Variants in P4HA2 observed in about 807,000 individuals in gnomAD.
The protein encoded by P4HA2 is prolyl 4-hydroxylase subunit alpha-2.
Under a neutral mutation model 76.9 loss-of-function variants are expected in P4HA2, and 46 were observed. The observed-to-expected ratio is 0.60, with a 90% CI of 0.47 to 0.76. The LOEUF (loss-of-function observed/expected upper bound fraction) is 0.76, where lower values mean the gene tolerates loss of function less well. P4HA2 is among the 30% of genes least tolerant of loss of function. The pLI, the probability that P4HA2 is intolerant of heterozygous loss-of-function variation, is 0.00. For synonymous variants in P4HA2, 243 were observed against 254.0 expected, an observed-to-expected ratio of 0.96 and a Z score of 0.41; for missense variants, 583 against 669.4, an observed-to-expected ratio of 0.87 and a Z score of 1.42.
chr5:132,196,860 C>CAAAAA lies in P4HA2; in HGVS notation c.1366-1385_1366-1381dup, dbSNP rs34410092. Among the ~76,000 whole-genome samples, 82 of 99,966 alleles carry CAAAAA rather than the reference C, an allele frequency of 8.2e-4. 1 individual carries two copies. Among genetic ancestry groups the CAAAAA allele is most frequent in the African/African-American group, 3.1e-3 (77 of 24,918 alleles). 65.6% of individuals were successfully genotyped at this position (99,966 alleles called of 152,430 possible). ...TGGGCAACAGAGGGAGAGTCTGTCT[C>CAAAAA]AAAAAAAAAAAAAAAAAAAGATAAA... On this transcript the variant is annotated intron_variant, in intron 12 of 14. Transcript: ENST00000360568.
intron 1 of P4HA2, chr5:132,227,291 C>G (rs1177706532): frequency 6.6e-6 from 1 of 152,308 alleles, no homozygotes; most frequent in Non-Finnish European, 1.5e-5. Context: ...ATCCAATGGC[C>G]CATCTAATGG....
At chr5:132,205,191 C>T (rs156025) in intron 8 of P4HA2, among the ~76,000 whole-genome samples, 30,153 of 152,152 alleles carry the variant, frequency 0.2, 3,698 homozygotes, top group South Asian at 0.41. Flanking sequence ...TGTGGAAGCT[C>T]AGGGTATAGT....
intron 5 of P4HA2, among the ~76,000 whole-genome samples, chr5:132,212,936 G>T (rs150313594): frequency 1.9e-3 from 295 of 152,300 alleles, no homozygotes; most frequent in Non-Finnish European, 3.1e-3. Context: ...GTCTAAAGGG[G>T]GCAGCTGAGG....
intron 7 of P4HA2, 148 bp downstream of exon 7, chr5:132,208,990 A>G (rs1752640312): frequency 1.5e-6 from 1 of 645,416 alleles, no homozygotes; most frequent in Non-Finnish European, 2.7e-6. Context: ...GAATATCCAC[A>G]TGTCAGCCTC....
intron 1 of P4HA2, among the ~76,000 whole-genome samples, chr5:132,220,119 A>C (rs777015813): frequency 2.0e-5 from 3 of 152,242 alleles, no homozygotes; most frequent in Non-Finnish European, 4.4e-5. Context: ...AGCAGAAGAG[A>C]GCAAGTCATC....
At chr5:132,214,571 G>T (rs936297178) in intron 4 of P4HA2, among the ~76,000 whole-genome samples, 2 of 152,124 alleles carry the variant, frequency 1.3e-5, no homozygotes, top group African/African-American at 4.8e-5. Context: ...TAATGAAGCC[G>T]AGCTGGCCAC....
chr5:132,209,279 C>A lies in P4HA2; in HGVS notation c.762G>T (p.Leu254Phe). The A allele has an allele frequency of 6.2e-7, 1 of 1,614,106 alleles. No individual in the cohort carries two copies. The highest frequency in any genetic ancestry group is 8.5e-7 in the Non-Finnish European group (1 of 1,179,980). Residue 254 changes from leucine (L) to phenylalanine (F), a missense_variant, in exon 7 of 15, where the codon TTG (leucine) becomes TTT (phenylalanine). Coordinates refer to ENST00000360568, the MANE Select transcript of P4HA2 (RefSeq NM_001017974.2). ...GGNLRYFEQLLEEEREKTLTN... is the reference protein window; with the variant it reads ...GGNLRYFEQLFEEEREKTLTN... Reference sequence around the variant, plus strand: ...TTAACGTTTTTTCTCTCTCTTCCTCCAATAACTGCTCAAAGTACCGCAGAT... The same window carrying A: ...TTAACGTTTTTTCTCTCTCTTCCTCAAATAACTGCTCAAAGTACCGCAGAT...
chr5:132,197,554 G>A (rs1750808351), intron 12 of P4HA2, among the ~76,000 whole-genome samples: 1 of 143,070 alleles, frequency 7.0e-6, no homozygotes, highest in African/African-American at 2.7e-5. Flanking sequence ...GTTGCAGTGA[G>A]CCGAGATCCC....
Position 132,203,837 on chromosome 5 carries a change from C to T in P4HA2, c.1162G>A (p.Glu388Lys). Reference sequence around the variant, plus strand: ...GCCACAACAGGGTCATCATCTTCCTCTAGCCAGGAGCTGGGCAAAAAGAAA... The same window carrying T: ...GCCACAACAGGGTCATCATCTTCCTTTAGCCAGGAGCTGGGCAAAAAGAAA... Reference protein sequence around the residue: ...SYRVSKSSWLEEDDDPVVARV... With the variant: ...SYRVSKSSWLKEDDDPVVARV... The change falls in exon 10 of 15, where the codon GAG becomes AAG. Residue 388 changes from glutamate (E) to lysine (K), a missense_variant. Transcript: ENST00000360568. 1 of 1,613,240 alleles carries T rather than the reference C, an allele frequency of 6.2e-7. No individual in the cohort carries two copies. The highest frequency in any genetic ancestry group is 1.1e-5 in the South Asian group (1 of 91,056).
intron 10 of P4HA2, chr5:132,201,187 A>C (rs1199911429): frequency 5.9e-5 from 9 of 152,244 alleles, no homozygotes; most frequent in Non-Finnish European, 1.2e-4. Context: ...AAAGGTCAGA[A>C]ATCACTTTTC....
At chr5:132,198,808 C>T in intron 11 of P4HA2, 71 bp downstream of exon 11, 1 of 1,082,164 alleles carries the variant, frequency 9.2e-7, no homozygotes, top group Admixed American at 1.7e-5. Flanking sequence ...CTGAAATGCT[C>T]CTAGAAGCTC....
chr5:132,201,734 G>A (rs1751506148), intron 10 of P4HA2: 1 of 152,224 alleles, frequency 6.6e-6, no homozygotes, highest in Non-Finnish European at 1.5e-5. Flanking sequence ...ACAACACAAT[G>A]AGAGGCCAGA....
Position 132,220,511 on chromosome 5 carries a change from C to T in P4HA2, c.-18-1867G>A, listed in dbSNP as rs570647105. Among the ~76,000 whole-genome samples, 18 of 152,340 alleles carry T rather than the reference C, an allele frequency of 1.2e-4. No homozygotes were observed. The South Asian group carries it at 3.7e-3, about 32-fold the overall frequency. Reference sequence around the variant, plus strand: ...GGAAGTGGGGAACCCAGCATCTCTACCCAGGTGTGTCTCCAGTTGCAGTTG... The same window carrying T: ...GGAAGTGGGGAACCCAGCATCTCTATCCAGGTGTGTCTCCAGTTGCAGTTG... On this transcript the variant is annotated intron_variant, in intron 1 of 14. Transcript: ENST00000360568.
In P4HA2 at chr5:132,194,795, GA is replaced by G. The variant is rs894848905; in HGVS notation, c.1531+130del. On this transcript the variant is annotated intron_variant, in intron 14 of 14. Transcript: ENST00000360568. ...ACATGGCTGGATGGTAATAACAGCA[GA>G]AAAAAACCTAAGAAGGGAGACAGTC... 9 of 714,924 alleles carry G rather than the reference GA, an allele frequency of 1.3e-5. No homozygotes were observed. The African/African-American group carries it at 1.4e-4, about 11-fold the overall frequency. The allele number at this position is 714,924 out of a possible 1,614,324, so 44.3% of individuals were successfully genotyped here.
intron 1 of P4HA2, among the ~76,000 whole-genome samples, chr5:132,223,689 T>G (rs2126638897): frequency 6.6e-6 from 1 of 152,318 alleles, no homozygotes; most frequent in South Asian, 2.1e-4. Flanking sequence ...ACTATTTGTT[T>G]CCAAAAATCT....
intron 5 of P4HA2, 51 bp downstream of exon 5, chr5:132,213,856 ACCTGTCCCG>A: frequency 6.4e-7 from 1 of 1,569,428 alleles, no homozygotes; most frequent in Non-Finnish European, 8.7e-7. Flanking sequence ...GGTGGCTCCA[ACCTGTCCCG>A]CCACTAAAGA....
chr5:132,221,349 A>C (rs1252708346), intron 1 of P4HA2, among the ~76,000 whole-genome samples: 2 of 152,254 alleles, frequency 1.3e-5, no homozygotes. Flanking sequence ...TCTGTGCTGC[A>C]TCCCCAGAGT....
chr5:132,207,618 G>C, intron 8 of P4HA2, 90 bp downstream of exon 8: 2 of 1,107,286 alleles, frequency 1.8e-6, no homozygotes, highest in Non-Finnish European at 2.7e-6. Flanking sequence ...AGGGTGGCTA[G>C]ATGGGCAAAC....
At chr5:132,210,048 G>A (rs1299404232) in intron 6 of P4HA2, among the ~76,000 whole-genome samples, 1 of 152,190 alleles carries the variant, frequency 6.6e-6, no homozygotes, top group Non-Finnish European at 1.5e-5. Flanking sequence ...AGGCCCACAA[G>A]TGCCACAGGC....
Sources: gnomAD v4.1 joint callset for allele counts (sites outside exome capture counted in the v4.1 genomes callset) on GRCh38, gnomAD v4.1.1 for gene constraint, MANE v1.5 for transcripts, NCBI Gene and HGNC (gene_info 2026-07-23, HGNC 2026-07-21) for gene names.